The following HECW2 variants were observed in gnomAD, a reference collection of about 807,000 sequenced individuals.
The protein encoded by HECW2 is HECT, C2 and WW domain containing E3 ubiquitin protein ligase 2, also known as E3 ubiquitin-protein ligase HECW2.
In HECW2, 61 loss-of-function variants were observed where a neutral mutation model predicts 175.2. The observed-to-expected ratio is 0.35, with a 90% confidence interval of 0.28 to 0.43. The LOEUF (loss-of-function observed/expected upper bound fraction) is 0.43. HECW2 is among the 20% of genes least tolerant of loss of function. HECW2 has a pLI of 1.00. For synonymous variants in HECW2, 671 were observed against 731.0 expected, an observed-to-expected ratio of 0.92 and a Z score of 1.32; for missense variants, 1,524 against 2,000.5, an observed-to-expected ratio of 0.76 and a Z score of 4.54.
At chr2:196,411,411 T>TAAAC (rs983734023) in intron 2 of HECW2, among the ~76,000 whole-genome samples, 1 of 152,144 alleles carries the variant, frequency 6.6e-6, no homozygotes, top group Non-Finnish European at 1.5e-5. Flanking sequence ...TCAGAGGAAT[T>TAAAC]AAACAAACAA....
chr2:196,346,876 C>T (rs752355506), intron 2 of HECW2, among the ~76,000 whole-genome samples: 21 of 150,006 alleles, frequency 1.4e-4, no homozygotes, highest in African/African-American at 4.9e-4. Context: ...GGCGTGGTGA[C>T]AGGCGCCTGT....
chr2:196,245,750 TG>T (rs755386995), intron 19 of HECW2, among the ~76,000 whole-genome samples: 1 of 152,334 alleles, frequency 6.6e-6, no homozygotes, highest in South Asian at 2.1e-4. Flanking sequence ...TTTGTATAGC[TG>T]GGCAAAGAGC....
chr2:196,294,287 T>C (rs1483897397), intron 13 of HECW2, among the ~76,000 whole-genome samples: 3 of 152,220 alleles, frequency 2.0e-5, no homozygotes, highest in African/African-American at 7.2e-5. Flanking sequence ...ATGGCAGCTG[T>C]TTCCTTGAAT....
chr2:196,470,358 T>C (rs1045218129), intron 1 of HECW2, among the ~76,000 whole-genome samples: 2 of 152,118 alleles, frequency 1.3e-5, no homozygotes, highest in Non-Finnish European at 2.9e-5. Flanking sequence ...AAATGGGTCA[T>C]AGTAAGGCTG....
At chr2:196,338,574 G>A (rs1002557909) in intron 3 of HECW2, among the ~76,000 whole-genome samples, 6 of 152,152 alleles carry the variant, frequency 3.9e-5, no homozygotes, top group South Asian at 2.1e-4. Context: ...TGCAAGAAAT[G>A]GTTTTGCCTC....
At chr2:196,281,182 C>T (rs1233229979) in intron 14 of HECW2, among the ~76,000 whole-genome samples, 1 of 152,120 alleles carries the variant, frequency 6.6e-6, no homozygotes, top group Non-Finnish European at 1.5e-5. Flanking sequence ...ACTGCAAAAG[C>T]CTTGCAGTAG....
chr2:196,359,580 C>A (rs907111114), intron 2 of HECW2, among the ~76,000 whole-genome samples: 5 of 152,164 alleles, frequency 3.3e-5, no homozygotes, highest in African/African-American at 1.2e-4. Flanking sequence ...TACATTGCAC[C>A]TAAGGCTGAA....
At chr2:196,235,023 T>A (rs1253140405) in intron 21 of HECW2, among the ~76,000 whole-genome samples, 1 of 152,156 alleles carries the variant, frequency 6.6e-6, no homozygotes, top group Non-Finnish European at 1.5e-5. Context: ...CAAAGCATAA[T>A]ATAAAATGTG....
intron 1 of HECW2, among the ~76,000 whole-genome samples, chr2:196,524,814 TA>T (rs1688570876): frequency 8.5e-6 from 1 of 117,614 alleles, no homozygotes; most frequent in Non-Finnish European, 1.6e-5. Context: ...TCCTGAGTTC[TA>T]GTTTGATTGC....
chr2:196,261,395 G>C lies in HECW2; in HGVS notation c.3336-3489C>G, dbSNP rs1175756999. 2.6e-5 allele frequency among the ~76,000 whole-genome samples: 4 copies of C among 152,252 alleles called. No individual in the cohort carries two copies. The East Asian group carries it at 7.7e-4, about 29-fold the overall frequency. The stretch of plus-strand genomic sequence containing the variant: ...GGTGGTAGAATCCACTCATCCCAAG[G>C]CACATTCAATGATATGTTTTATCCT... On this transcript the variant is annotated intron_variant, in intron 17 of 28. Transcript: ENST00000644978.
At chr2:196,560,462 T>C (rs1052917157) in intron 1 of HECW2, among the ~76,000 whole-genome samples, 9 of 152,132 alleles carry the variant, frequency 5.9e-5, no homozygotes, top group Non-Finnish European at 1.5e-5. Context: ...CACTGTTTCT[T>C]ATCTGAGATC....
At chr2:196,206,790 C>A (rs1021529605) in intron 28 of HECW2, among the ~76,000 whole-genome samples, 1 of 152,148 alleles carries the variant, frequency 6.6e-6, no homozygotes, top group Non-Finnish European at 1.5e-5. Context: ...AAATTGTGAG[C>A]CCTAGCTGCA....
intron 10 of HECW2, chr2:196,315,852 C>T (rs934191313): frequency 2.6e-5 from 4 of 152,136 alleles, no homozygotes; most frequent in Admixed American, 6.5e-5. Context: ...GCTAGGAAGA[C>T]GTGATTTATC....
chr2:196,204,677 G>T (rs1229411151), intron 28 of HECW2, among the ~76,000 whole-genome samples: 1 of 152,182 alleles, frequency 6.6e-6, no homozygotes, highest in African/African-American at 2.4e-5. Context: ...AATGTGTGTT[G>T]TTTTACACTG....
intron 1 of HECW2, among the ~76,000 whole-genome samples, chr2:196,578,054 C>T (rs1026823660): frequency 1.3e-5 from 2 of 151,986 alleles, no homozygotes; most frequent in Non-Finnish European, 2.9e-5. Context: ...CATACCAGAC[C>T]AAGACTTTAC....
chr2:196,262,572 CT>C (rs1002702341), intron 17 of HECW2, among the ~76,000 whole-genome samples: 62 of 146,660 alleles, frequency 4.2e-4, no homozygotes, highest in African/African-American at 4.5e-4. Flanking sequence ...GCTCCTTTAT[CT>C]TTTTTTTTTT....
chr2:196,514,188 AG>A (rs1688060402), intron 1 of HECW2, among the ~76,000 whole-genome samples: 2 of 152,290 alleles, frequency 1.3e-5, no homozygotes, highest in Middle Eastern at 6.8e-3. Context: ...CCCTGCTTCT[AG>A]TGCCCACTCC....
chr2:196,391,284 GC>G (rs1694502078), intron 2 of HECW2, among the ~76,000 whole-genome samples: 1 of 152,070 alleles, frequency 6.6e-6, no homozygotes, highest in South Asian at 2.1e-4. Flanking sequence ...ACAGTACCCT[GC>G]CCCACTGTTA....
At chr2:196,362,853 T>C (rs1373879900) in intron 2 of HECW2, among the ~76,000 whole-genome samples, 1 of 152,152 alleles carries the variant, frequency 6.6e-6, no homozygotes, top group African/African-American at 2.4e-5. Context: ...AAGGTGCTGG[T>C]TTAATGTAAT....
Sources: gnomAD v4.1 joint callset for allele counts (sites outside exome capture counted in the v4.1 genomes callset) on GRCh38, gnomAD v4.1.1 for gene constraint, MANE v1.5 for transcripts, NCBI Gene and HGNC (gene_info 2026-07-23, HGNC 2026-07-21) for gene names.